Variants in AKAP6 observed in about 807,000 individuals in gnomAD.
The protein encoded by AKAP6 is A-kinase anchoring protein 6, also known as A-kinase anchor protein 6.
A neutral mutation model predicts 188.5 loss-of-function variants in AKAP6; 58 were observed. The ratio of observed to expected loss-of-function variants is 0.31; its 90% CI spans 0.25 to 0.38. AKAP6 has a LOEUF of 0.38. AKAP6 is among the 10% of genes least tolerant of loss of function. The pLI is 1.00. For synonymous variants in AKAP6, 989 were observed against 998.6 expected (o/e 0.99, Z 0.18); for missense variants, 2,710 against 2,740.0 (o/e 0.99, Z 0.24).
At chr14:32,827,146 T>C (rs1181719510) in intron 13 of AKAP6, among the ~76,000 whole-genome samples, 7 of 152,238 alleles carry the variant, frequency 4.6e-5, no homozygotes, top group Non-Finnish European at 8.8e-5. Context: ...ATGCCTTCAG[T>C]ATTTAATGTC....
chr14:32,546,764 T>C lies in AKAP6; in HGVS notation c.2111T>C (p.Ile704Thr). ...GTGTCTCCAAGCTCATCTAGTGACA[T>C]AGCCTCTTCACTAGGGGAGAGCATT... ...GRVSPSSSSDIASSLGESIES... is the reference protein window; with the variant it reads ...GRVSPSSSSDTASSLGESIES... Residue 704 changes from isoleucine (I) to threonine (T), a missense_variant, in exon 4 of 14, where the codon ATA becomes ACA. By Grantham distance (89) the Ile-to-Thr change is moderately conservative. This residue lies in a region of AKAP6 where 2,473 missense variants were observed against 2,426.1 expected (regional missense o/e 1.02). Coordinates refer to ENST00000280979, the MANE Select transcript of AKAP6 (RefSeq NM_004274.5). 6.2e-7 allele frequency: 1 copy of C among 1,614,128 alleles called. No homozygotes were observed. The highest frequency in any genetic ancestry group is 8.5e-7 in the Non-Finnish European group (1 of 1,179,996).
At chr14:32,433,379 C>G in intron 1 of AKAP6, 81 bp from the exon 2 acceptor site, 1 of 941,704 alleles carries the variant, frequency 1.1e-6, no homozygotes, top group Non-Finnish European at 1.6e-6. Flanking sequence ...ATTTAGAAAT[C>G]CTGTTTCTTC....
chr14:32,746,231 CAGA>C (rs2031904959), intron 11 of AKAP6, among the ~76,000 whole-genome samples: 1 of 152,100 alleles, frequency 6.6e-6, no homozygotes, highest in Non-Finnish European at 1.5e-5. Flanking sequence ...TCTCCTCAAG[CAGA>C]AGGAGTTTTG....
chr14:32,460,593 C>T (rs1013236370), intron 2 of AKAP6, among the ~76,000 whole-genome samples: 2 of 152,212 alleles, frequency 1.3e-5, no homozygotes, highest in Non-Finnish European at 2.9e-5. Context: ...GAGATTCCCT[C>T]GAGTGCCCAC....
chr14:32,724,685 A>C (rs2139801764), intron 9 of AKAP6, among the ~76,000 whole-genome samples: 1 of 152,288 alleles, frequency 6.6e-6, no homozygotes, highest in Non-Finnish European at 1.5e-5. Context: ...CGATCACTTC[A>C]AAACAGGCAA....
At chr14:32,803,171 C>T (rs375698287) in intron 12 of AKAP6, among the ~76,000 whole-genome samples, 23 of 151,500 alleles carry the variant, frequency 1.5e-4, no homozygotes, top group African/African-American at 1.9e-4. Flanking sequence ...TGGCCAGGCA[C>T]GGTGGCTCAT....
intron 2 of AKAP6, among the ~76,000 whole-genome samples, chr14:32,489,426 T>A (rs1047957938): frequency 3.9e-4 from 60 of 152,246 alleles, no homozygotes; most frequent in Admixed American, 5.9e-4. Flanking sequence ...CCTAGGCTGG[T>A]CTCGAACTCC....
chr14:32,500,439 CTTCCTATACT>C (rs1407488294), intron 2 of AKAP6, among the ~76,000 whole-genome samples: 1 of 152,198 alleles, frequency 6.6e-6, no homozygotes, highest in East Asian at 1.9e-4. Context: ...CCAATGATCA[CTTCCTATACT>C]TCTGTCACTC....
At chr14:32,668,185 A>C (rs766620275) in intron 7 of AKAP6, among the ~76,000 whole-genome samples, 7 of 152,124 alleles carry the variant, frequency 4.6e-5, no homozygotes, top group Non-Finnish European at 1.0e-4. Flanking sequence ...CAGTCCACAC[A>C]GTATATTTGC....
At chr14:32,594,311 A>G (rs1885601717) in intron 5 of AKAP6, among the ~76,000 whole-genome samples, 1 of 152,188 alleles carries the variant, frequency 6.6e-6, no homozygotes, top group Admixed American at 6.5e-5. Flanking sequence ...TCTTTTTCTA[A>G]GTACTAAGAC....
intron 12 of AKAP6, among the ~76,000 whole-genome samples, chr14:32,803,675 G>A (rs1246384232): frequency 6.6e-6 from 1 of 151,976 alleles, no homozygotes; most frequent in Non-Finnish European, 1.5e-5. Context: ...TTTGAGTCTA[G>A]ATGCTCTTTT....
In AKAP6 at chr14:32,823,004, G is replaced by A. The variant is rs368273598; in HGVS notation, c.5191G>A (p.Asp1731Asn). ...GACTCGTTCAGTGGCTGATGAAAGCGATGTCAATGTCAGCATGATTGTTAA... is the reference window on the plus strand; with the variant it reads ...GACTCGTTCAGTGGCTGATGAAAGCAATGTCAATGTCAGCATGATTGTTAA... ...RLTRSVADES[D>N]VNVSMIVNVS... The change falls in exon 13 of 14, where the codon GAT (aspartate) becomes AAT (asparagine). Residue 1731 changes from aspartate (D) to asparagine (N), a missense_variant. Around this residue, in one of 2 missense-constraint regions of AKAP6, gnomAD observed 2,473 missense variants for 2,426.1 expected, o/e 1.02. Transcript: ENST00000280979. 11 of 1,613,788 alleles carry A rather than the reference G, an allele frequency of 6.8e-6. No homozygotes were observed. In the African/African-American group the frequency reaches 8.0e-5, roughly 12 times the overall value.
At chr14:32,355,740 G>A (rs1207803356) in intron 1 of AKAP6, among the ~76,000 whole-genome samples, 1 of 151,702 alleles carries the variant, frequency 6.6e-6, no homozygotes, top group Non-Finnish European at 1.5e-5. Flanking sequence ...TGAGATTTCT[G>A]TTGGTGATCA....
chr14:32,493,783 G>A (rs1188736119), intron 2 of AKAP6, among the ~76,000 whole-genome samples: 1 of 152,128 alleles, frequency 6.6e-6, no homozygotes, highest in African/African-American at 2.4e-5. Context: ...ACTGACATTT[G>A]TTAAGGGCCC....
chr14:32,824,239 T>C lies in AKAP6; in HGVS notation c.6426T>C (p.Thr2142=). ...KSSTPLPLDT[T]DSGLDDKEDI... ...GCACTCCATTGCCACTAGACACCAC[T>C]GACTCGGGCTTAGATGACAAGGAAG... Residue 2142 remains threonine, a synonymous_variant, in exon 13 of 14, where the codon ACT becomes ACC. Transcript: ENST00000280979. 1 of 1,613,966 alleles carries C rather than the reference T, an allele frequency of 6.2e-7. No individual in the cohort carries two copies. The highest frequency in any genetic ancestry group is 8.5e-7 in the Non-Finnish European group (1 of 1,179,940).
chr14:32,363,940 T>C (rs1379906526), intron 1 of AKAP6, among the ~76,000 whole-genome samples: 1 of 152,176 alleles, frequency 6.6e-6, no homozygotes, highest in Non-Finnish European at 1.5e-5. Context: ...GGGAGTAACA[T>C]TTGCCTAGGC....
At chr14:32,529,826 G>A (rs759752409) in intron 2 of AKAP6, among the ~76,000 whole-genome samples, 4 of 151,818 alleles carry the variant, frequency 2.6e-5, no homozygotes. Flanking sequence ...AGGTTTACTT[G>A]TGAGTTTTAT....
intron 1 of AKAP6, among the ~76,000 whole-genome samples, chr14:32,427,226 T>A (rs1890064892): frequency 6.6e-6 from 1 of 152,184 alleles, no homozygotes. Context: ...GAAAGTGAGA[T>A]TAATCTGGGG....
At position 32,465,709 on chromosome 14, in the gene AKAP6, A is replaced by G. The variant is rs1283981811; in HGVS notation, c.324+31892A>G. On this transcript the variant is annotated intron_variant, in intron 2 of 13. Coordinates refer to ENST00000280979, the MANE Select transcript of AKAP6 (RefSeq NM_004274.5). ...TGACTAAAACACAAAAAGCAATTGC[A>G]ACAAAAGCCAAAATTGACAAATGGG... 3.3e-5 allele frequency among the ~76,000 whole-genome samples: 5 copies of G among 152,246 alleles called. 1 individual carries two copies. The South Asian group carries it at 8.3e-4, about 25-fold the overall frequency.
Sources: allele counts gnomAD v4.1 joint callset (sites outside exome capture counted in the v4.1 genomes callset), GRCh38; gene constraint gnomAD v4.1.1; regional missense constraint gnomAD v4.1.1; transcripts MANE v1.5; gene names NCBI Gene and HGNC (gene_info 2026-07-23, HGNC 2026-07-21).